MEIS2: variants seen among roughly 807,000 people sequenced by gnomAD.
MEIS2 encodes Meis homeobox 2.
Under a neutral mutation model 58.6 loss-of-function variants are expected in MEIS2, and 9 were observed. That is an observed-to-expected ratio of 0.15 (90% confidence interval 0.09 to 0.27). MEIS2 has a LOEUF of 0.27. MEIS2 is among the 10% of genes least tolerant of loss of function. The pLI, the probability that MEIS2 is intolerant of heterozygous loss-of-function variation, is 1.00. For missense variants in MEIS2, 427 were observed against 635.0 expected, an observed-to-expected ratio of 0.67 and a Z score of 3.52; for synonymous variants, 221 against 228.4, an observed-to-expected ratio of 0.97 and a Z score of 0.29.
intron 8 of MEIS2, among the ~76,000 whole-genome samples, chr15:36,982,625 A>T (rs1194809756): frequency 1.3e-5 from 2 of 152,184 alleles, no homozygotes; most frequent in African/African-American, 4.8e-5. Context: ...GAATGCAGAT[A>T]TTTCTTTGAC....
chr15:36,952,084 C>T (rs530032252), intron 8 of MEIS2, among the ~76,000 whole-genome samples: 2 of 152,226 alleles, frequency 1.3e-5, no homozygotes, highest in South Asian at 2.1e-4. Context: ...CACTCTGATT[C>T]GTCCAAACAA....
chr15:36,976,243 C>G (rs2059749645), intron 8 of MEIS2, among the ~76,000 whole-genome samples: 2 of 151,866 alleles, frequency 1.3e-5, no homozygotes, highest in African/African-American at 4.8e-5. Flanking sequence ...CACCACCATG[C>G]CCAGCTAATT....
At chr15:36,910,862 T>C (rs926620710) in intron 9 of MEIS2, among the ~76,000 whole-genome samples, 1 of 152,062 alleles carries the variant, frequency 6.6e-6, no homozygotes, top group Non-Finnish European at 1.5e-5. Context: ...CTGGCCAACA[T>C]AGTGAAACCC....
At chr15:37,000,024 C>T (rs1355528072) in intron 8 of MEIS2, among the ~76,000 whole-genome samples, 4 of 152,114 alleles carry the variant, frequency 2.6e-5, no homozygotes, top group Admixed American at 6.5e-5. Flanking sequence ...ACAAGTTGTA[C>T]CCTTTTTATC....
intron 7 of MEIS2, among the ~76,000 whole-genome samples, chr15:37,041,648 T>C (rs1325924342): frequency 6.6e-6 from 1 of 152,064 alleles, no homozygotes; most frequent in Non-Finnish European, 1.5e-5. Context: ...TCCATATCCA[T>C]AGTTGTGTAT....
chr15:37,070,744 A>C (rs2141872307), intron 7 of MEIS2, among the ~76,000 whole-genome samples: 1 of 152,220 alleles, frequency 6.6e-6, no homozygotes, highest in Non-Finnish European at 1.5e-5. Flanking sequence ...CAATGCTAAA[A>C]AAATTTATAA....
At chr15:37,092,415 G>A (rs1156886278) in intron 6 of MEIS2, among the ~76,000 whole-genome samples, 6 of 152,084 alleles carry the variant, frequency 3.9e-5, no homozygotes, top group African/African-American at 9.7e-5. Context: ...TGGGAGGTAG[G>A]GACAAACTGC....
chr15:36,954,504 ATAATT>A (rs1226833199), intron 8 of MEIS2, among the ~76,000 whole-genome samples: 2 of 149,090 alleles, frequency 1.3e-5, no homozygotes, highest in Middle Eastern at 3.2e-3. Context: ...TAAATTAACT[ATAATT>A]TATATACTTC....
intron 8 of MEIS2, among the ~76,000 whole-genome samples, chr15:36,950,705 C>G (rs553430312): frequency 6.6e-6 from 1 of 152,094 alleles, no homozygotes; most frequent in Non-Finnish European, 1.5e-5. Flanking sequence ...TTTTGGTCAT[C>G]TAACTCGCTT....
chr15:36,993,288 C>T (rs906825991), intron 8 of MEIS2, among the ~76,000 whole-genome samples: 3 of 151,892 alleles, frequency 2.0e-5, no homozygotes, highest in Non-Finnish European at 4.4e-5. Context: ...TCTAGAATTC[C>T]GGTATTTAAC....
In MEIS2 at chr15:37,007,525, C is replaced by G. The variant is rs185448357; in HGVS notation, c.900+29289G>C. Among the ~76,000 whole-genome samples the G allele has an allele frequency of 1.9e-3, 284 of 152,298 alleles. 2 individuals are homozygous for G. Among genetic ancestry groups the G allele is most frequent in the African/African-American group, 6.6e-3 (275 of 41,556 alleles). On this transcript the variant is annotated intron_variant, in intron 8 of 11. Coordinates refer to ENST00000561208, the MANE Select transcript of MEIS2 (RefSeq NM_170675.5). ...GTGAACAAAGAGCAGCAGAGACACC[C>G]TGGGTCTCTGGGGACATGACTGAAC... is the stretch of plus-strand genomic sequence containing the variant.
At chr15:36,986,316 T>G (rs375588941) in intron 8 of MEIS2, among the ~76,000 whole-genome samples, 1 of 152,250 alleles carries the variant, frequency 6.6e-6, no homozygotes, top group South Asian at 2.1e-4. Flanking sequence ...TGCTTTCAGA[T>G]GCTGAAACTG....
chr15:37,061,767 A>T (rs1214832794), intron 7 of MEIS2, among the ~76,000 whole-genome samples: 1 of 152,204 alleles, frequency 6.6e-6, no homozygotes, highest in East Asian at 1.9e-4. Flanking sequence ...TACAGTCACC[A>T]AACGAGTTTT....
chr15:37,050,528 AC>A (rs1457617246), intron 7 of MEIS2, among the ~76,000 whole-genome samples: 1 of 152,216 alleles, frequency 6.6e-6, no homozygotes, highest in African/African-American at 2.4e-5. Context: ...GGAAGAAGCA[AC>A]TTTATTGAAA....
chr15:37,099,508 A>AAT lies in MEIS2; in HGVS notation c.-44_-43dup, dbSNP rs761122986. 6.2e-7 allele frequency: 1 copy of AAT among 1,613,616 alleles called. No homozygotes were observed. Among genetic ancestry groups the AAT allele is most frequent in the Admixed American group, 1.7e-5 (1 of 59,992 alleles). ...AAACTCCTGGATGTGTCGTATATTT[A>AAT]ATATCCCAGTCCGGATAAGAAAGTG... On this transcript the variant is annotated 5_prime_UTR_variant, in exon 1 of 12. Transcript: ENST00000561208.
chr15:37,004,842 G>A (rs2060859378), intron 8 of MEIS2, among the ~76,000 whole-genome samples: 1 of 152,150 alleles, frequency 6.6e-6, no homozygotes, highest in Middle Eastern at 3.2e-3. Flanking sequence ...AGATTATGAG[G>A]CATGTTCCCA....
At chr15:36,927,748 T>G (rs1005359133) in intron 9 of MEIS2, among the ~76,000 whole-genome samples, 16 of 152,170 alleles carry the variant, frequency 1.1e-4, no homozygotes, top group African/African-American at 3.9e-4. Flanking sequence ...AATGTTAACT[T>G]AAATCTCTGA....
Position 37,083,815 on chromosome 15 carries a change from C to A in MEIS2, c.710G>T (p.Ser237Ile). ...THSAGTPGPS[S>I]GGHASQSGDN... The stretch of plus-strand genomic sequence containing the variant: ...TCCGCTCTGGGAAGCATGGCCCCCA[C>A]TGGAGGGCCCTGGGGTGCCTGCTGA... Residue 237 changes from serine to isoleucine, a missense_variant, in exon 7 of 12, where the codon AGT becomes ATT. Transcript: ENST00000561208. 1 of 1,614,030 alleles carries A rather than the reference C, an allele frequency of 6.2e-7. No homozygotes were observed. The highest frequency in any genetic ancestry group is 1.1e-5 in the South Asian group (1 of 91,072).
intron 8 of MEIS2, among the ~76,000 whole-genome samples, chr15:36,951,307 A>G (rs898058706): frequency 3.9e-5 from 6 of 152,162 alleles, no homozygotes; most frequent in African/African-American, 1.2e-4. Flanking sequence ...TGTCTATTAA[A>G]TAGGTCCCTG....
Sources: allele counts gnomAD v4.1 joint callset (sites outside exome capture counted in the v4.1 genomes callset), GRCh38; gene constraint gnomAD v4.1.1; transcripts MANE v1.5; gene names NCBI Gene and HGNC (gene_info 2026-07-23, HGNC 2026-07-21).